Variants in RORA observed in about 807,000 individuals in gnomAD.
RORA encodes nuclear receptor ROR-alpha.
Under a neutral mutation model 69.5 loss-of-function variants are expected in RORA, and 7 were observed. That is an observed-to-expected ratio of 0.10 (90% confidence interval 0.06 to 0.19). The LOEUF is 0.19. Ranked by LOEUF, RORA falls within the 10% of genes least tolerant of loss-of-function variation. RORA has a pLI of 1.00. For synonymous variants in RORA, 261 were observed against 240.8 expected (o/e 1.08, Z -0.78); for missense variants, 457 against 663.0 (o/e 0.69, Z 3.41).
At chr15:61,119,061 G>A (rs913760963) in intron 1 of RORA, among the ~76,000 whole-genome samples, 7 of 128,636 alleles carry the variant, frequency 5.4e-5, no homozygotes, top group Admixed American at 1.7e-4. Context: ...TGTTGAAGTC[G>A]GGAAGATGCA....
chr15:60,680,808 G>C (rs2070631453), intron 1 of RORA, among the ~76,000 whole-genome samples: 1 of 151,922 alleles, frequency 6.6e-6, no homozygotes, highest in African/African-American at 2.4e-5. Context: ...CAAGAAGAAT[G>C]TAAATTATAT....
chr15:61,162,055 A>T (rs2079500495), intron 1 of RORA, among the ~76,000 whole-genome samples: 1 of 152,230 alleles, frequency 6.6e-6, no homozygotes, highest in Non-Finnish European at 1.5e-5. Context: ...CCTAAAAGTG[A>T]ATATTTTATT....
In RORA at chr15:60,495,318, CAGTT is replaced by C. The variant is rs777523177; in HGVS notation, c.*2133_*2136del. 2 of 152,136 alleles carry C rather than the reference CAGTT, an allele frequency of 1.3e-5. No homozygotes were observed. The highest frequency in any genetic ancestry group is 2.4e-5 in the African/African-American group (1 of 41,412). The allele number at this position is 152,136 out of a possible 1,614,324, so 9.4% of individuals were successfully genotyped here. A position where few individuals can be genotyped will look rare whatever the true frequency, so the allele number is the denominator to read the frequency against. ...CCCCAATATAAATACTATATGCTGA[CAGTT>C]AGCATCTCTCTATAAACACATAAAA... On this transcript the variant is annotated 3_prime_UTR_variant, in exon 11 of 11. Coordinates refer to ENST00000335670, the MANE Select transcript of RORA (RefSeq NM_134261.3).
At chr15:60,532,912 A>G (rs1473709583) in intron 2 of RORA, among the ~76,000 whole-genome samples, 3 of 152,146 alleles carry the variant, frequency 2.0e-5, no homozygotes, top group African/African-American at 4.8e-5. Context: ...AGTCTATTTC[A>G]TTTCTGTACA....
chr15:61,045,937 C>T (rs932908062), intron 1 of RORA, among the ~76,000 whole-genome samples: 2 of 152,186 alleles, frequency 1.3e-5, no homozygotes, highest in African/African-American at 2.4e-5. Flanking sequence ...CAACTATTGT[C>T]TCTGTCTCCT....
At chr15:61,095,827 C>T (rs1316891223) in intron 1 of RORA, among the ~76,000 whole-genome samples, 1 of 152,172 alleles carries the variant, frequency 6.6e-6, no homozygotes, top group African/African-American at 2.4e-5. Context: ...CCTGAACAAA[C>T]ACCCAGGGGC....
chr15:60,967,751 C>T (rs1893596513), intron 1 of RORA, among the ~76,000 whole-genome samples: 1 of 152,176 alleles, frequency 6.6e-6, no homozygotes, highest in Non-Finnish European at 1.5e-5. Flanking sequence ...AAATAGAAGG[C>T]AGATCAGTAA....
chr15:61,163,146 G>T (rs2079510361), intron 1 of RORA, among the ~76,000 whole-genome samples: 1 of 152,092 alleles, frequency 6.6e-6, no homozygotes, highest in Admixed American at 6.6e-5. Flanking sequence ...CTGTTTTCCA[G>T]TTAACTATCT....
chr15:60,751,853 A>G (rs545882884), intron 1 of RORA, among the ~76,000 whole-genome samples: 12 of 152,186 alleles, frequency 7.9e-5, no homozygotes, highest in Non-Finnish European at 1.6e-4. Context: ...CCAAAACTGC[A>G]TAGACCACTC....
chr15:61,168,236 G>GTATA (rs149363623), intron 1 of RORA, among the ~76,000 whole-genome samples: 13 of 150,754 alleles, frequency 8.6e-5, no homozygotes, highest in African/African-American at 3.2e-4. Context: ...GTGTGTGTGT[G>GTATA]TATGTATTTT....
intron 1 of RORA, among the ~76,000 whole-genome samples, chr15:61,174,265 C>G (rs1489571580): frequency 6.6e-6 from 1 of 152,224 alleles, no homozygotes; most frequent in Admixed American, 6.5e-5. Flanking sequence ...TGCCCCCACA[C>G]CACCCAGCTT....
intron 2 of RORA, among the ~76,000 whole-genome samples, chr15:60,646,759 A>G (rs972621740): frequency 6.6e-6 from 1 of 152,150 alleles, no homozygotes; most frequent in African/African-American, 2.4e-5. Context: ...TGGATTGCAC[A>G]TGGGGCGTGG....
At chr15:60,934,750 T>C (rs951785160) in intron 1 of RORA, among the ~76,000 whole-genome samples, 19 of 152,164 alleles carry the variant, frequency 1.2e-4, no homozygotes, top group Admixed American at 9.2e-4. Flanking sequence ...GAAAGGCAAA[T>C]GAAAGCCCTC....
At chr15:60,678,474 C>G (rs2070587713) in intron 2 of RORA, 183 bp downstream of exon 2, 1 of 585,960 alleles carries the variant, frequency 1.7e-6, no homozygotes, top group African/African-American at 1.9e-5. Flanking sequence ...CTTCAACACA[C>G]ACTCAGTACA....
intron 3 of RORA, among the ~76,000 whole-genome samples, chr15:60,522,590 A>G (rs1165116442): frequency 6.6e-6 from 1 of 152,094 alleles, no homozygotes; most frequent in Non-Finnish European, 1.5e-5. Context: ...CCTGGGCAAC[A>G]TAGACCCTGT....
intron 2 of RORA, among the ~76,000 whole-genome samples, chr15:60,572,530 A>G (rs572178999): frequency 2.6e-5 from 4 of 152,234 alleles, no homozygotes; most frequent in African/African-American, 9.6e-5. Context: ...GGGGCTTTTT[A>G]GTCATACTCC....
chr15:61,204,098 C>T (rs1370432), intron 1 of RORA, among the ~76,000 whole-genome samples: 145,920 of 152,258 alleles, frequency 0.96, 70,222 homozygotes, highest in East Asian at 1. Context: ...GAGTTGTGAG[C>T]GCTGTAATGC....
intron 1 of RORA, among the ~76,000 whole-genome samples, chr15:60,833,195 G>A (rs1204811175): frequency 6.7e-6 from 1 of 149,198 alleles, no homozygotes; most frequent in Non-Finnish European, 1.5e-5. Context: ...TGACCACCAT[G>A]CCCAGCCGAG....
chr15:60,970,981 T>C (rs1479181290), intron 1 of RORA, among the ~76,000 whole-genome samples: 2 of 152,198 alleles, frequency 1.3e-5, no homozygotes, highest in Admixed American at 1.3e-4. Context: ...AACTGACTCA[T>C]GTTGGAAGAA....
Sources: allele counts gnomAD v4.1 joint callset (sites outside exome capture counted in the v4.1 genomes callset), GRCh38; gene constraint gnomAD v4.1.1; transcripts MANE v1.5; gene names NCBI Gene and HGNC (gene_info 2026-07-23, HGNC 2026-07-21).